Variants in LIMCH1 observed in about 807,000 individuals in gnomAD.
LIMCH1 encodes the protein LIM and calponin homology domains 1, also known as LIM and calponin homology domains-containing protein 1.
A neutral mutation model predicts 176.5 loss-of-function variants in LIMCH1; 113 were observed. The ratio of observed to expected loss-of-function variants is 0.64; its 90% CI spans 0.55 to 0.75. The LOEUF (loss-of-function observed/expected upper bound fraction) is 0.75, where lower values mean the gene tolerates loss of function less well. LIMCH1 is among the 30% of genes least tolerant of loss of function. The probability of loss-of-function intolerance (pLI) is 0.00; values close to 1 mark genes in which losing one functional copy is unlikely to be tolerated. For missense variants in LIMCH1, 1,674 were observed against 1,814.9 expected (o/e 0.92, Z 1.41); for synonymous variants, 619 against 645.9 (o/e 0.96, Z 0.63).
intron 1 of LIMCH1, among the ~76,000 whole-genome samples, chr4:41,395,303 G>A (rs2057684654): frequency 6.7e-6 from 1 of 149,684 alleles, no homozygotes; most frequent in Non-Finnish European, 1.5e-5. Context: ...CGCAATCTCG[G>A]CTCACTGCAA....
intron 1 of LIMCH1, among the ~76,000 whole-genome samples, chr4:41,463,678 C>T (rs4317237): frequency 0.092 from 14,008 of 151,692 alleles, 1,236 homozygotes; most frequent in African/African-American, 0.22. Context: ...TCAGCTCAGG[C>T]GATGCTTCCA....
intron 3 of LIMCH1, among the ~76,000 whole-genome samples, chr4:41,527,715 C>T (rs1416521664): frequency 6.6e-6 from 1 of 150,722 alleles, no homozygotes; most frequent in Non-Finnish European, 1.5e-5. Flanking sequence ...CCCAGCTACT[C>T]AGGAGGCTGA....
At chr4:41,683,585 G>A (rs1356240685) in intron 26 of LIMCH1, among the ~76,000 whole-genome samples, 1 of 152,230 alleles carries the variant, frequency 6.6e-6, no homozygotes, top group Admixed American at 6.5e-5. Flanking sequence ...GAAAGGCTAA[G>A]TGTCATTTTC....
intron 1 of LIMCH1, among the ~76,000 whole-genome samples, chr4:41,544,764 C>G (rs59613689): frequency 6.6e-6 from 1 of 152,154 alleles, no homozygotes; most frequent in Non-Finnish European, 1.5e-5. Flanking sequence ...ACTGGATCAG[C>G]CTTACTGCCA....
intron 8 of LIMCH1, among the ~76,000 whole-genome samples, chr4:41,628,185 C>T (rs893941249): frequency 6.6e-6 from 1 of 152,110 alleles, no homozygotes; most frequent in Non-Finnish European, 1.5e-5. Context: ...GCAAGTGAAA[C>T]AAAGACTTTT....
At chr4:41,497,828 AGGAGG>A (rs1274206938) in intron 2 of LIMCH1, among the ~76,000 whole-genome samples, 1 of 149,728 alleles carries the variant, frequency 6.7e-6, no homozygotes, top group Non-Finnish European at 1.5e-5. Flanking sequence ...AATTAAGTTT[AGGAGG>A]TCTGATCCCT....
In LIMCH1 at chr4:41,360,987, G is replaced by T. The variant is rs1456115637; in HGVS notation, c.96+51G>T. The T allele has an allele frequency of 4.3e-6, 6 of 1,379,706 alleles. No individual in the cohort carries two copies. Among genetic ancestry groups the T allele is most frequent in the Non-Finnish European group, 5.9e-6 (6 of 1,015,052 alleles). The allele number at this position is 1,379,706 out of a possible 1,614,324, so 85.5% of individuals were successfully genotyped here. On this transcript the variant is annotated intron_variant, in intron 1 of 26. Transcript: ENST00000313860. The surrounding 1 kb of genome is among the most constrained non-coding windows in gnomAD (Gnocchi z 4.5). ...CCTTGCACTGGCGCCCTGAGCCACG[G>T]ACCCGCGCACGCTCCGACCGCAGGT...
In LIMCH1 at chr4:41,685,808, G is replaced by A. The variant is rs941497609; in HGVS notation, c.4066G>A (p.Glu1356Lys). The change falls in exon 28 of 32, where the codon GAG becomes AAG. Residue 1356 changes from glutamate to lysine, a missense_variant. Transcript: ENST00000503057. Reference sequence around the variant, plus strand: ...GGATAAAAGCATTAACCATCAGATCGAGTCTCCCAGTGAAAGGCGGAAGTG... The same window carrying A: ...GGATAAAAGCATTAACCATCAGATCAAGTCTCCCAGTGAAAGGCGGAAGTG... ...PLDKSINHQI[E>K]SPSERRKKSP... The A allele has an allele frequency of 1.9e-5, 31 of 1,613,132 alleles. No homozygotes were observed. Among genetic ancestry groups the A allele is most frequent in the Non-Finnish European group, 2.4e-5 (28 of 1,179,462 alleles).
At chr4:41,579,858 G>A (rs989052442) in intron 1 of LIMCH1, among the ~76,000 whole-genome samples, 1 of 152,142 alleles carries the variant, frequency 6.6e-6, no homozygotes, top group Non-Finnish European at 1.5e-5. Flanking sequence ...GGTCTGTGGT[G>A]CCTGACAAGA....
chr4:41,586,729 A>C (rs754101075), intron 1 of LIMCH1, among the ~76,000 whole-genome samples: 34 of 152,206 alleles, frequency 2.2e-4, no homozygotes, highest in Admixed American at 2.6e-4. Context: ...TTGGAGGGAT[A>C]GATTCCTTGG....
chr4:41,638,734 T>G (rs550607094), intron 13 of LIMCH1, among the ~76,000 whole-genome samples, 198 bp from the exon 14 acceptor site: 89 of 152,364 alleles, frequency 5.8e-4, no homozygotes, highest in African/African-American at 2.0e-3. Context: ...TTTTGCATTT[T>G]TTAGAAATAT....
chr4:41,489,171 G>A (rs556654123), intron 1 of LIMCH1, among the ~76,000 whole-genome samples: 2 of 151,692 alleles, frequency 1.3e-5, no homozygotes, highest in East Asian at 3.9e-4. Flanking sequence ...TTTCTTTTTT[G>A]ACTAAAAACA....
At chr4:41,553,591 G>T (rs2152524104) in intron 1 of LIMCH1, among the ~76,000 whole-genome samples, 1 of 152,206 alleles carries the variant, frequency 6.6e-6, no homozygotes, top group South Asian at 2.1e-4. Flanking sequence ...CTGTGTACCT[G>T]GTAAAGGACG....
chr4:41,682,032 G>A (rs1277366565), intron 25 of LIMCH1, among the ~76,000 whole-genome samples: 2 of 152,158 alleles, frequency 1.3e-5, no homozygotes, highest in Admixed American at 6.5e-5. Flanking sequence ...CCACGTAAAG[G>A]AAAATAACCT....
intron 1 of LIMCH1, among the ~76,000 whole-genome samples, chr4:41,435,015 T>C (rs1157777502): frequency 6.6e-6 from 1 of 152,250 alleles, no homozygotes; most frequent in Non-Finnish European, 1.5e-5. Context: ...AGCCTCTGGC[T>C]ATATTATCTT....
chr4:41,640,724 T>G (rs73137303), intron 14 of LIMCH1, among the ~76,000 whole-genome samples: 2 of 152,212 alleles, frequency 1.3e-5, no homozygotes, highest in Non-Finnish European at 2.9e-5. Flanking sequence ...TCCCTTAATA[T>G]CTCCTTTTTC....
chr4:41,483,563 C>A (rs1374685114), intron 1 of LIMCH1, among the ~76,000 whole-genome samples: 1 of 152,132 alleles, frequency 6.6e-6, no homozygotes, highest in Non-Finnish European at 1.5e-5. Flanking sequence ...CAGGTGTAAC[C>A]CATAGTGCTG....
chr4:41,670,886 C>T, intron 21 of LIMCH1: 1 of 1,487,730 alleles, frequency 6.7e-7, no homozygotes, highest in Middle Eastern at 1.7e-4. Context: ...TTTCTGATTT[C>T]TGGGGAAAAA....
chr4:41,532,352 A>G (rs2077419625), intron 3 of LIMCH1, among the ~76,000 whole-genome samples: 2 of 152,134 alleles, frequency 1.3e-5, no homozygotes, highest in African/African-American at 4.8e-5. Context: ...CGTGTCCCTC[A>G]TCTTCTCATA....
Sources: allele counts gnomAD v4.1 joint callset (sites outside exome capture counted in the v4.1 genomes callset), GRCh38; gene constraint gnomAD v4.1.1; non-coding constraint Gnocchi (gnomAD v3.1); transcripts MANE v1.5; gene names NCBI Gene and HGNC (gene_info 2026-07-23, HGNC 2026-07-21).